The following LRRC1 variants were observed in gnomAD, a reference collection of about 807,000 sequenced individuals.
The protein encoded by LRRC1 is leucine-rich repeat-containing protein 1.
A neutral mutation model predicts 69.9 loss-of-function variants in LRRC1; 28 were observed. That is an observed-to-expected ratio of 0.40 (90% CI 0.30 to 0.55). The LOEUF is 0.55. Among genes scored for constraint, LRRC1 ranks in the 20% least tolerant of loss-of-function variants. The pLI is 0.47. For missense variants in LRRC1, 498 were observed against 609.0 expected (o/e 0.82, Z 1.92); for synonymous variants, 236 against 240.2 (o/e 0.98, Z 0.16).
intron 1 of LRRC1, among the ~76,000 whole-genome samples, chr6:53,798,027 T>C (rs1764352955): frequency 1.3e-5 from 2 of 152,242 alleles, no homozygotes; most frequent in African/African-American, 4.8e-5. Context: ...GACTCCATTA[T>C]TTACAAGTTA....
intron 2 of LRRC1, among the ~76,000 whole-genome samples, chr6:53,869,592 A>G (rs1459270429): frequency 2.6e-5 from 4 of 152,190 alleles, no homozygotes; most frequent in Non-Finnish European, 4.4e-5. Flanking sequence ...TTTGTTGCAT[A>G]TAGTTTCTCA....
intron 2 of LRRC1, among the ~76,000 whole-genome samples, chr6:53,844,208 C>T (rs1765870413): frequency 6.6e-6 from 1 of 151,792 alleles, no homozygotes; most frequent in African/African-American, 2.4e-5. Flanking sequence ...CTAGCAGTTA[C>T]CTAAGTTATA....
chr6:53,798,996 G>A (rs1285525621), intron 1 of LRRC1, among the ~76,000 whole-genome samples: 2 of 152,190 alleles, frequency 1.3e-5, no homozygotes, highest in African/African-American at 4.8e-5. Flanking sequence ...TTTCTCCTCA[G>A]TGTGCACCAG....
chr6:53,845,160 C>T (rs1301956680), intron 2 of LRRC1, among the ~76,000 whole-genome samples: 1 of 152,172 alleles, frequency 6.6e-6, no homozygotes, highest in Non-Finnish European at 1.5e-5. Flanking sequence ...GGCAAGATCA[C>T]GCCATTGCAC....
At chr6:53,835,022 T>C (rs980409635) in intron 1 of LRRC1, among the ~76,000 whole-genome samples, 2 of 152,138 alleles carry the variant, frequency 1.3e-5, no homozygotes, top group Non-Finnish European at 2.9e-5. Context: ...AGCCCAGTCT[T>C]TTCTTACTAA....
chr6:53,817,185 T>C (rs1414345720), intron 1 of LRRC1, among the ~76,000 whole-genome samples: 1 of 152,158 alleles, frequency 6.6e-6, no homozygotes, highest in Non-Finnish European at 1.5e-5. Flanking sequence ...TGGGGCATCC[T>C]TCACCCAAGC....
At chr6:53,869,057 C>T (rs1442979055) in intron 2 of LRRC1, among the ~76,000 whole-genome samples, 1 of 152,162 alleles carries the variant, frequency 6.6e-6, no homozygotes, top group East Asian at 1.9e-4. Flanking sequence ...GTAGTTTACC[C>T]AGGGGCGCAA....
At chr6:53,844,252 A>G (rs1562040301) in intron 2 of LRRC1, among the ~76,000 whole-genome samples, 1 of 152,204 alleles carries the variant, frequency 6.6e-6, no homozygotes, top group African/African-American at 2.4e-5. Flanking sequence ...GCAAGGAAGC[A>G]GTGACTTTGT....
chr6:53,917,963 T>C (rs1768622529), intron 11 of LRRC1, among the ~76,000 whole-genome samples: 1 of 152,232 alleles, frequency 6.6e-6, no homozygotes, highest in Admixed American at 6.5e-5. Flanking sequence ...AGAATTTTTG[T>C]ATAAGCACAA....
intron 11 of LRRC1, among the ~76,000 whole-genome samples, chr6:53,915,784 A>G (rs1768545801): frequency 6.6e-6 from 1 of 152,222 alleles, no homozygotes; most frequent in African/African-American, 2.4e-5. Context: ...CCATGCATAC[A>G]TATATAGATT....
chr6:53,871,236 C>CTAA (rs1261054139), intron 2 of LRRC1, among the ~76,000 whole-genome samples: 1 of 152,164 alleles, frequency 6.6e-6, no homozygotes, highest in Admixed American at 6.5e-5. Context: ...TGGCTGTACT[C>CTAA]ATTTAGATTC....
rs139628648 is a variant in LRRC1 at position 53,847,243 on chromosome 6, C to T, written c.277+5016C>T. On this transcript the variant is annotated intron_variant, in intron 2 of 13. Coordinates refer to ENST00000370888, the MANE Select transcript of LRRC1 (RefSeq NM_018214.5). ...CTCGTGGTGATAATAGCTTTGAATT[C>T]GTGTTAGTGATTTAAAACAATTTTC... Among the ~76,000 whole-genome samples, 409 of 152,018 alleles carry T rather than the reference C, an allele frequency of 2.7e-3. 4 individuals are homozygous for T. The East Asian group carries it at 0.041, about 15-fold the overall frequency.
At chr6:53,897,556 C>T (rs183571101) in intron 7 of LRRC1, among the ~76,000 whole-genome samples, 197 bp downstream of exon 7, 61 of 152,274 alleles carry the variant, frequency 4.0e-4, no homozygotes, top group Non-Finnish European at 7.2e-4. Context: ...AACCTCAACC[C>T]ACCATTTGTA....
chr6:53,870,189 C>T (rs1766836126), intron 2 of LRRC1, among the ~76,000 whole-genome samples: 2 of 152,076 alleles, frequency 1.3e-5, no homozygotes, highest in African/African-American at 2.4e-5. Context: ...ATCCTCTGAT[C>T]GCTGAATTCC....
chr6:53,917,445 T>C (rs1768602752), intron 11 of LRRC1, among the ~76,000 whole-genome samples: 2 of 152,228 alleles, frequency 1.3e-5, no homozygotes. Context: ...ATAAGATTTG[T>C]TGTTGTAGAG....
intron 4 of LRRC1, among the ~76,000 whole-genome samples, chr6:53,895,040 C>G (rs1415469466): frequency 6.6e-6 from 1 of 151,982 alleles, no homozygotes; most frequent in Non-Finnish European, 1.5e-5. Flanking sequence ...GCCTCACCCT[C>G]CCAAGTAGCT....
intron 1 of LRRC1, among the ~76,000 whole-genome samples, chr6:53,814,308 T>A (rs1353892482): frequency 6.6e-6 from 1 of 152,232 alleles, no homozygotes; most frequent in African/African-American, 2.4e-5. Context: ...AAAAGGTGCT[T>A]ACACATACAA....
intron 7 of LRRC1, among the ~76,000 whole-genome samples, chr6:53,898,484 G>C (rs930138114): frequency 6.6e-6 from 1 of 152,200 alleles, no homozygotes; most frequent in Non-Finnish European, 1.5e-5. Flanking sequence ...GTGTGTAAAT[G>C]ACTGTGCAAA....
chr6:53,922,807 A>G lies in LRRC1; in HGVS notation c.*14A>G. 6 of 1,609,934 alleles carry G rather than the reference A, an allele frequency of 3.7e-6. No individual in the cohort carries two copies. Among genetic ancestry groups the G allele is most frequent in the Non-Finnish European group, 5.1e-6 (6 of 1,177,400 alleles). ...ACTTCTGTGTAGAGTTTCACCTCCA[A>G]GTTTTACCTCCTGTGTCTTCCTCTG... On this transcript the variant is annotated 3_prime_UTR_variant, in exon 14 of 14. Coordinates refer to ENST00000370888, the MANE Select transcript of LRRC1 (RefSeq NM_018214.5).
Sources: allele counts gnomAD v4.1 joint callset (sites outside exome capture counted in the v4.1 genomes callset), GRCh38; gene constraint gnomAD v4.1.1; transcripts MANE v1.5; gene names NCBI Gene and HGNC (gene_info 2026-07-23, HGNC 2026-07-21).